Variants in TNS3 observed in about 807,000 individuals in gnomAD.
The protein encoded by TNS3 is tensin-3.
In TNS3, 45 loss-of-function variants were observed where a neutral mutation model predicts 140.9. That is an observed-to-expected ratio of 0.32 (90% confidence interval 0.25 to 0.41). The LOEUF (loss-of-function observed/expected upper bound fraction) is 0.41, where lower values mean the gene tolerates loss of function less well. Among genes scored for constraint, TNS3 ranks in the 10% least tolerant of loss-of-function variants. The pLI is 1.00. For synonymous variants in TNS3, 815 were observed against 788.4 expected, an observed-to-expected ratio of 1.03 and a Z score of -0.56; for missense variants, 1,716 against 1,906.7, an observed-to-expected ratio of 0.90 and a Z score of 1.86.
At chr7:47,422,848 A>G (rs1039055589) in intron 10 of TNS3, among the ~76,000 whole-genome samples, 1 of 149,268 alleles carries the variant, frequency 6.7e-6, no homozygotes, top group Non-Finnish European at 1.5e-5. Context: ...CTGTTCAACA[A>G]AGAAATAACA....
chr7:47,475,237 C>T (rs1028735915), intron 4 of TNS3, among the ~76,000 whole-genome samples: 8 of 152,240 alleles, frequency 5.3e-5, no homozygotes, highest in African/African-American at 1.9e-4. Flanking sequence ...CCTGCAGTCA[C>T]CTTGGAGGGA....
chr7:47,562,243 A>G (rs996411746), intron 1 of TNS3, among the ~76,000 whole-genome samples: 1 of 152,080 alleles, frequency 6.6e-6, no homozygotes, highest in African/African-American at 2.4e-5. Flanking sequence ...AAGCCAGCTC[A>G]TTTTTCCTCA....
At chr7:47,556,973 C>T (rs1800211350) in intron 1 of TNS3, 1 of 454,238 alleles carries the variant, frequency 2.2e-6, no homozygotes, top group African/African-American at 2.0e-5. Context: ...GTCCCTGCCA[C>T]CAAGCCATGC....
At chr7:47,286,286 C>A (rs1181821720) in intron 27 of TNS3, among the ~76,000 whole-genome samples, 1 of 152,142 alleles carries the variant, frequency 6.6e-6, no homozygotes, top group Non-Finnish European at 1.5e-5. Context: ...TAGCAATCTG[C>A]TGTTTGGGGA....
intron 3 of TNS3, among the ~76,000 whole-genome samples, chr7:47,497,149 A>G (rs1798043106): frequency 6.6e-6 from 1 of 152,218 alleles, no homozygotes; most frequent in Non-Finnish European, 1.5e-5. Flanking sequence ...TAGAAAATAT[A>G]TATACTTTCT....
intron 13 of TNS3, 46 bp downstream of exon 13, chr7:47,411,681 G>A (rs748190020): frequency 2.6e-6 from 4 of 1,552,518 alleles, no homozygotes; most frequent in Non-Finnish European, 8.8e-7. Context: ...ATCACCACTG[G>A]GAGAGTGGGG....
intron 2 of TNS3, among the ~76,000 whole-genome samples, chr7:47,519,881 T>TGGC (rs1233741851): frequency 7.7e-6 from 1 of 129,148 alleles, no homozygotes; most frequent in Non-Finnish European, 1.6e-5. Flanking sequence ...TGGAGTGCAG[T>TGGC]GGCACAATCT....
At chr7:47,336,822 G>A (rs1249608708) in intron 20 of TNS3, among the ~76,000 whole-genome samples, 1 of 152,178 alleles carries the variant, frequency 6.6e-6, no homozygotes, top group South Asian at 2.1e-4. Flanking sequence ...AGAGAAGCGT[G>A]CGGGCTGCAT....
intron 1 of TNS3, among the ~76,000 whole-genome samples, chr7:47,550,944 A>G (rs1800045169): frequency 6.6e-6 from 1 of 152,200 alleles, no homozygotes; most frequent in African/African-American, 2.4e-5. Flanking sequence ...ATGCCACCCC[A>G]AAGAGACAGA....
intron 17 of TNS3, among the ~76,000 whole-genome samples, chr7:47,354,803 G>C (rs934832834): frequency 6.6e-6 from 1 of 152,080 alleles, no homozygotes; most frequent in Non-Finnish European, 1.5e-5. Context: ...ACACAGTCTT[G>C]TGCCCCTCTT....
intron 2 of TNS3, among the ~76,000 whole-genome samples, chr7:47,508,826 C>T (rs1333671037): frequency 6.6e-6 from 1 of 152,174 alleles, no homozygotes; most frequent in Non-Finnish European, 1.5e-5. Flanking sequence ...GTTGTGAGGA[C>T]ACTCAAGCAG....
chr7:47,318,023 C>T (rs1433744916), intron 20 of TNS3, among the ~76,000 whole-genome samples: 3 of 152,166 alleles, frequency 2.0e-5, no homozygotes, highest in Non-Finnish European at 4.4e-5. Context: ...TTCACTTTTT[C>T]GTACACCAAC....
At chr7:47,370,301 A>T (rs994946806) in intron 16 of TNS3, among the ~76,000 whole-genome samples, 4 of 152,292 alleles carry the variant, frequency 2.6e-5, no homozygotes, top group Non-Finnish European at 2.9e-5. Context: ...AAAAGAAAAA[A>T]ACTGAATGTC....
At chr7:47,382,686 T>G (rs1428224502) in intron 16 of TNS3, among the ~76,000 whole-genome samples, 1 of 115,352 alleles carries the variant, frequency 8.7e-6, no homozygotes, top group Non-Finnish European at 1.7e-5. Flanking sequence ...CACCACCCCC[T>G]GTGAGTATAC....
chr7:47,493,654 TA>T (rs1797895241), intron 3 of TNS3, among the ~76,000 whole-genome samples: 1 of 110,168 alleles, frequency 9.1e-6, no homozygotes, highest in South Asian at 2.7e-4. Flanking sequence ...CTGTCTCTAC[TA>T]AAAATACAAA....
Position 47,539,492 on chromosome 7 carries a change from C to T in TNS3, c.-264-10345G>A, listed in dbSNP as rs1186480864. The T allele has an allele frequency of 1.0e-4, 27 of 260,600 alleles. No homozygotes were observed. In the Admixed American group the frequency reaches 1.3e-3, roughly 13 times the overall value. The allele number at this position is 260,600 out of a possible 1,614,324, so 16.1% of individuals were successfully genotyped here. ...CTCCAGCCCCTCTCCCTGCCCCCGA[C>T]TCTGACCTCCTCCTGCCAGGCTTGC... On this transcript the variant is annotated intron_variant, in intron 1 of 30. Transcript: ENST00000311160.
At chr7:47,288,607 G>T (rs894107893) in intron 27 of TNS3, among the ~76,000 whole-genome samples, 1 of 152,054 alleles carries the variant, frequency 6.6e-6, no homozygotes, top group African/African-American at 2.4e-5. Context: ...CCACAGACAG[G>T]GTCCACTGTT....
chr7:47,497,241 G>A (rs1039249935), intron 3 of TNS3, among the ~76,000 whole-genome samples: 7 of 152,152 alleles, frequency 4.6e-5, no homozygotes, highest in African/African-American at 1.2e-4. Context: ...ATCTACTAGC[G>A]TCAGTACCAC....
rs117546788 is a variant in TNS3, at chr7:47,557,190, A to G, written c.-265+24861T>C. The G allele has an allele frequency of 7.7e-4, 349 of 455,204 alleles. 2 individuals carry two copies. The East Asian group carries it at 0.02, about 26-fold the overall frequency. 28.2% of individuals were successfully genotyped at this position (455,204 alleles called of 1,614,324 possible). A position where few individuals can be genotyped will look rare whatever the true frequency, so the allele number is the denominator to read the frequency against. ...GGTCAGAACAATCCTTAAGACCAAC[A>G]GTGCGTCTGGGAAAGTTTACAAGCG... On this transcript the variant is annotated intron_variant, in intron 1 of 30. Coordinates refer to ENST00000311160, the MANE Select transcript of TNS3 (RefSeq NM_022748.12).
Sources: gnomAD v4.1 joint callset for allele counts (sites outside exome capture counted in the v4.1 genomes callset) on GRCh38, gnomAD v4.1.1 for gene constraint, MANE v1.5 for transcripts, NCBI Gene and HGNC (gene_info 2026-07-23, HGNC 2026-07-21) for gene names.